CACNA1H: variants seen among roughly 807,000 people sequenced by gnomAD.
CACNA1H encodes the protein calcium voltage-gated channel subunit alpha1 H.
In CACNA1H, 149 loss-of-function variants were observed where a neutral mutation model predicts 192.5. The ratio of observed to expected loss-of-function variants is 0.77; its 90% confidence interval spans 0.68 to 0.89. The LOEUF is 0.89. Ranked by LOEUF, CACNA1H falls within the 40% of genes least tolerant of loss-of-function variation. The probability of loss-of-function intolerance (pLI) is 0.00; values close to 1 mark genes in which losing one functional copy is unlikely to be tolerated. For synonymous variants in CACNA1H, 2,202 were observed against 1,475.2 expected, an observed-to-expected ratio of 1.49 and a Z score of -11.29; for missense variants, 4,257 against 3,423.5, an observed-to-expected ratio of 1.24 and a Z score of -6.08.
intron 8 of CACNA1H, among the ~76,000 whole-genome samples, chr16:1,201,274 G>T (rs1967859580): frequency 1.3e-5 from 2 of 152,192 alleles, no homozygotes; most frequent in South Asian, 4.1e-4. Flanking sequence ...GAGAGAGCAA[G>T]CGAAGCGAAC....
Position 1,220,780 on chromosome 16 carries a change from A to T in CACNA1H, c.6848A>T (p.Asp2283Val), listed in dbSNP as rs58597457. 409 of 1,612,370 alleles carry T rather than the reference A, an allele frequency of 2.5e-4. 1 individual carries two copies. The African/African-American group carries it at 4.7e-3, about 18-fold the overall frequency. Residue 2283 changes from aspartate (D) to valine (V), a missense_variant, in exon 35 of 35, where the codon GAC (aspartate) becomes GTC (valine). Physicochemically the swap from Asp to Val is radical, Grantham distance 152 (BLOSUM62 -3). Transcript: ENST00000348261. ...LGVPSGDPFL[D>V]GSHSVTPESR... ...GTCCCCAGTGGAGACCCTTTCTTGG[A>T]CGGTAGCCACAGTGTGACCCCAGAA...
At chr16:1,194,015 G>A (rs1278793795) in intron 2 of CACNA1H, among the ~76,000 whole-genome samples, 1 of 152,110 alleles carries the variant, frequency 6.6e-6, no homozygotes, top group African/African-American at 2.4e-5. Flanking sequence ...TTGGGCAGGG[G>A]GCGCTGCTGC....
rs996658844 is a variant in CACNA1H at position 1,182,346 on chromosome 16, G to A, written c.300-12626G>A. 4.6e-5 allele frequency among the ~76,000 whole-genome samples: 7 copies of A among 152,272 alleles called. No homozygotes were observed. In the East Asian group the frequency reaches 1.2e-3, roughly 25 times the overall value. On this transcript the variant is annotated intron_variant, in intron 2 of 34. Coordinates refer to ENST00000348261, the MANE Select transcript of CACNA1H (RefSeq NM_021098.3). ...GAGCTCTGTTGAGATGGAATGTTCC[G>A]GCAGCCGGGAGTGAGCCGTCCACTC...
chr16:1,206,086 G>A lies in CACNA1H; in HGVS notation c.2604-18G>A, dbSNP rs139666228. Reference sequence around the variant, plus strand: ...AGGGATCGTGGCCCCGCTGACCCTCGCCCCCACCTGTCCGCAGCGTCTGGG... The same window carrying A: ...AGGGATCGTGGCCCCGCTGACCCTCACCCCCACCTGTCCGCAGCGTCTGGG... On this transcript the variant is annotated intron_variant, in intron 11 of 34. Transcript: ENST00000348261. 6.4e-6 allele frequency: 10 copies of A among 1,551,300 alleles called. No homozygotes were observed. The highest frequency in any genetic ancestry group is 4.8e-5 in the East Asian group (2 of 41,876).
At chr16:1,200,197 G>T in intron 6 of CACNA1H, 59 bp from the exon 7 acceptor site, 3 of 1,413,400 alleles carry the variant, frequency 2.1e-6, no homozygotes, top group South Asian at 1.3e-5. Context: ...TCGTGCCCCC[G>T]ACTCTGACCG....
intron 2 of CACNA1H, among the ~76,000 whole-genome samples, chr16:1,157,426 G>A (rs1469271750): frequency 3.3e-5 from 5 of 152,338 alleles, no homozygotes; most frequent in African/African-American, 7.2e-5. Context: ...TTGGCAGAGC[G>A]CTGCCTGGGT....
chr16:1,179,368 A>G (rs1965234172), intron 2 of CACNA1H, among the ~76,000 whole-genome samples: 1 of 152,074 alleles, frequency 6.6e-6, no homozygotes, highest in African/African-American at 2.4e-5. Context: ...GGGCCCCCCC[A>G]TGGACTCTCC....
intron 10 of CACNA1H, 58 bp from the exon 11 acceptor site, chr16:1,205,056 G>A (rs937240746): frequency 8.3e-6 from 12 of 1,454,024 alleles, no homozygotes; most frequent in Admixed American, 7.9e-5. Context: ...GATCAGTGCC[G>A]GTGAGGGGTG....
At chr16:1,174,235 C>A (rs551633256) in intron 2 of CACNA1H, among the ~76,000 whole-genome samples, 25 of 152,146 alleles carry the variant, frequency 1.6e-4, no homozygotes, top group Non-Finnish European at 3.4e-4. Context: ...GCTGAAGTCT[C>A]CTGTGGGGCT....
rs1446635566 is a variant in CACNA1H at position 1,211,757 on chromosome 16, G to A, written c.4518G>A (p.Trp1506Ter). Residue 1506 changes from tryptophan to a stop codon, truncating the protein, a stop_gained, in exon 24 of 35, where the codon TGG (tryptophan) becomes TGA (stop). Transcript: ENST00000348261. LOFTEE classifies it high-confidence loss of function. ...SLFVLSSKDG[W>*]VNIMYDGLDA... ...TCGTGCTGTCATCCAAGGATGGATG[G>A]GTGAACATCATGTACGACGGGCTGG... 1 of 1,612,722 alleles carries A rather than the reference G, an allele frequency of 6.2e-7. No individual in the cohort carries two copies. Among genetic ancestry groups the A allele is most frequent in the Non-Finnish European group, 8.5e-7 (1 of 1,179,742 alleles).
rs1452960800 is a variant in CACNA1H, at chr16:1,217,057, A to T, written c.5323+47A>T. 6 of 1,497,492 alleles carry T rather than the reference A, an allele frequency of 4.0e-6. No individual in the cohort carries two copies. The South Asian group carries it at 7.2e-5, about 18-fold the overall frequency. 92.8% of individuals were successfully genotyped at this position (1,497,492 alleles called of 1,614,324 possible). A position where few individuals can be genotyped will look rare whatever the true frequency, so the allele number is the denominator to read the frequency against. ...CTCCTGGCACACATGGGGTCCTGAC[A>T]GGCGCCCCTGTGCCCATCCACTCAC... On this transcript the variant is annotated intron_variant, in intron 31 of 34. Transcript: ENST00000348261.
chr16:1,180,138 G>T lies in CACNA1H; in HGVS notation c.300-14834G>T, dbSNP rs567350510. ...CGTCGTGTGGATGGACGGCCAGCCC[G>T]TTGGGTGCCCTGGCTGGGTCCCTGT... On this transcript the variant is annotated intron_variant, in intron 2 of 34. Coordinates refer to ENST00000348261, the MANE Select transcript of CACNA1H (RefSeq NM_021098.3). This position sits in a 1 kb window ranked among gnomAD's most constrained non-coding sequence, Gnocchi z 4.4. Among the ~76,000 whole-genome samples the T allele has an allele frequency of 2.0e-5, 3 of 152,126 alleles. No individual in the cohort carries two copies. The highest frequency in any genetic ancestry group is 7.2e-5 in the African/African-American group (3 of 41,422).
At chr16:1,206,767 G>A (rs1035114373) in intron 12 of CACNA1H, 63 of 515,790 alleles carry the variant, frequency 1.2e-4, no homozygotes, top group Non-Finnish European at 1.8e-4. Context: ...TGTCTGTCCC[G>A]CCTCTGGTCT....
At chr16:1,209,965 C>T (rs1262810039) in intron 17 of CACNA1H, 70 bp from the exon 18 acceptor site, 9 of 1,183,572 alleles carry the variant, frequency 7.6e-6, no homozygotes, top group Non-Finnish European at 1.1e-5. Flanking sequence ...CCGAGCTGAG[C>T]ACAGAGGGCC....
In CACNA1H at chr16:1,196,014, C is replaced by T. The variant is rs370434906; in HGVS notation, c.634C>T (p.Arg212Cys). 9.9e-6 allele frequency: 16 copies of T among 1,612,478 alleles called. No individual in the cohort carries two copies. The highest frequency in any genetic ancestry group is 2.2e-5 in the East Asian group (1 of 44,888). The change falls in exon 5 of 35, where the codon CGC becomes TGC. Residue 212 changes from arginine to cysteine, a missense_variant. By Grantham distance (180) the Arg-to-Cys change is radical. Coordinates refer to ENST00000348261, the MANE Select transcript of CACNA1H (RefSeq NM_021098.3). ...GCTGCGGCCCCTCCGCGCCATCAAC[C>T]GCGTGCCTAGTAAGTGACCGGCCCC... ...RVLRPLRAIN[R>C]VPSMRILVTL...
rs1039431147 is a variant in CACNA1H at position 1,158,458 on chromosome 16, G to A, written c.299+4422G>A. Among the ~76,000 whole-genome samples, 4 of 152,128 alleles carry A rather than the reference G, an allele frequency of 2.6e-5. No homozygotes were observed. The South Asian group carries it at 6.2e-4, about 24-fold the overall frequency. Reference sequence around the variant, plus strand: ...GGCCCCCGGGGATGATGGCAGGGTAGGGGTCTGCCGAGCGCCTGTCGTAGT... The same window carrying A: ...GGCCCCCGGGGATGATGGCAGGGTAAGGGTCTGCCGAGCGCCTGTCGTAGT... On this transcript the variant is annotated intron_variant, in intron 2 of 34. Coordinates refer to ENST00000348261, the MANE Select transcript of CACNA1H (RefSeq NM_021098.3).
In CACNA1H at chr16:1,215,887, G is replaced by A. The variant is rs541431813; in HGVS notation, c.5244+294G>A. Among the ~76,000 whole-genome samples the A allele has an allele frequency of 1.8e-4, 28 of 152,274 alleles. No individual in the cohort carries two copies. The East Asian group carries it at 5.0e-3, about 27-fold the overall frequency. On this transcript the variant is annotated intron_variant, in intron 30 of 34. Transcript: ENST00000348261. ...GCCAGAGGGATGCAGGCAGAGGGCA[G>A]CAGGTGGCCAAGGTGGGTGTGTGTG...
chr16:1,175,553 G>T (rs1165729298), intron 2 of CACNA1H, among the ~76,000 whole-genome samples: 1 of 152,152 alleles, frequency 6.6e-6, no homozygotes, highest in Non-Finnish European at 1.5e-5. Context: ...GTCCCCGTCT[G>T]CTCGCCGTGT....
At chr16:1,153,662 G>T in intron 1 of CACNA1H, 58 bp from the exon 2 acceptor site, 1 of 1,082,474 alleles carries the variant, frequency 9.2e-7, no homozygotes, top group Non-Finnish European at 1.2e-6. Flanking sequence ...GCTCCGCGCC[G>T]CGGGAGGCAG....
Sources: allele counts gnomAD v4.1 joint callset (sites outside exome capture counted in the v4.1 genomes callset), GRCh38; gene constraint gnomAD v4.1.1; non-coding constraint Gnocchi (gnomAD v3.1); transcripts MANE v1.5; gene names NCBI Gene and HGNC (gene_info 2026-07-23, HGNC 2026-07-21).